The following NUGGC variants were observed in gnomAD, a reference collection of about 807,000 sequenced individuals.
The protein encoded by NUGGC is nuclear GTPase SLIP-GC.
A neutral mutation model predicts 92.6 loss-of-function variants in NUGGC; 58 were observed. That is an observed-to-expected ratio of 0.63 (90% CI 0.51 to 0.78). The LOEUF (loss-of-function observed/expected upper bound fraction) is 0.78, where lower values mean the gene tolerates loss of function less well. Ranked by LOEUF, NUGGC falls within the 30% of genes least tolerant of loss-of-function variation. NUGGC has a pLI of 0.00. For missense variants in NUGGC, 925 were observed against 964.6 expected, an observed-to-expected ratio of 0.96 and a Z score of 0.54; for synonymous variants, 376 against 366.4, an observed-to-expected ratio of 1.03 and a Z score of -0.30.
In NUGGC at chr8:28,067,753, G is replaced by A. The variant is rs1212546665; in HGVS notation, c.481-9C>T. 5 of 1,595,834 alleles carry A rather than the reference G, an allele frequency of 3.1e-6. No individual in the cohort carries two copies. In the Admixed American group the frequency reaches 6.8e-5, roughly 22 times the overall value. The stretch of plus-strand genomic sequence containing the variant: ...AGCTCCTCCCTCCACTCCTGCCAAG[G>A]CAGAGTAGGGCCAAGCCCCTCTTGA... On this transcript the variant is annotated splice_polypyrimidine_tract_variant and intron_variant, in intron 5 of 18. Coordinates refer to ENST00000413272, the MANE Select transcript of NUGGC (RefSeq NM_001010906.2).
In NUGGC at chr8:28,022,165, T is replaced by C. The variant is rs1341774700; in HGVS notation, c.*1152A>G. ...TATATTTTTTTCTTTTTCTTTTTTT[T>C]TTTTTTTTTTTGAGACATAGTCTCA... On this transcript the variant is annotated 3_prime_UTR_variant, in exon 19 of 19. Transcript: ENST00000413272. 2 of 126,376 alleles carry C rather than the reference T, an allele frequency of 1.6e-5. No homozygotes were observed. The highest frequency in any genetic ancestry group is 3.5e-5 in the Non-Finnish European group (2 of 57,750). The allele number at this position is 126,376 out of a possible 1,614,324, so 7.8% of individuals were successfully genotyped here. A position where few individuals can be genotyped will look rare whatever the true frequency, so the allele number is the denominator to read the frequency against.
chr8:28,070,585 C>CA (rs375779446), intron 2 of NUGGC, among the ~76,000 whole-genome samples: 3 of 149,290 alleles, frequency 2.0e-5, no homozygotes, highest in East Asian at 2.0e-4. Flanking sequence ...ACCCTTGTCT[C>CA]AAAAAAAAAT....
At chr8:28,051,147 C>T (rs1158935106) in intron 10 of NUGGC, among the ~76,000 whole-genome samples, 1 of 152,106 alleles carries the variant, frequency 6.6e-6, no homozygotes, top group Non-Finnish European at 1.5e-5. Context: ...TAATGTTATT[C>T]TCGCTAAAAG....
chr8:28,045,957 C>T (rs1477906305), intron 11 of NUGGC, among the ~76,000 whole-genome samples: 1 of 152,220 alleles, frequency 6.6e-6, no homozygotes, highest in Non-Finnish European at 1.5e-5. Flanking sequence ...CTTTGAACAG[C>T]TATCACCTGC....
rs369086540 is a variant in NUGGC at position 28,050,681 on chromosome 8, C to T, written c.1207-3069G>A. 4.0e-4 allele frequency among the ~76,000 whole-genome samples: 60 copies of T among 151,232 alleles called. No individual in the cohort carries two copies. In the East Asian group the frequency reaches 0.011, roughly 28 times the overall value. On this transcript the variant is annotated intron_variant, in intron 10 of 18. Transcript: ENST00000413272. Reference sequence around the variant, plus strand: ...CAAAAATTAGCCAGTTGTGGTGGCGCATGCCTGTAATCCCAGCTACCTGGG... The same window carrying T: ...CAAAAATTAGCCAGTTGTGGTGGCGTATGCCTGTAATCCCAGCTACCTGGG...
intron 10 of NUGGC, among the ~76,000 whole-genome samples, chr8:28,049,872 G>A (rs963080344): frequency 1.3e-5 from 2 of 152,128 alleles, no homozygotes; most frequent in African/African-American, 2.4e-5. Context: ...GATTGCCTAA[G>A]CTCAGGAATT....
rs998343341 is a variant in NUGGC, at chr8:28,076,448, C to T, written c.-46-1992G>A. 2.0e-5 allele frequency among the ~76,000 whole-genome samples: 3 copies of T among 152,258 alleles called. No individual in the cohort carries two copies. The East Asian group carries it at 5.8e-4, about 29-fold the overall frequency. On this transcript the variant is annotated intron_variant, in intron 1 of 18. Coordinates refer to ENST00000413272, the MANE Select transcript of NUGGC (RefSeq NM_001010906.2). Reference sequence around the variant, plus strand: ...AGAGTAGCTGGGATTACAGGCATTGCACCATCATGCCTGGCTAATTACAAT... The same window carrying T: ...AGAGTAGCTGGGATTACAGGCATTGTACCATCATGCCTGGCTAATTACAAT...
chr8:28,029,329 C>G lies in NUGGC; in HGVS notation c.2091G>C (p.Gln697His). 1 of 1,611,274 alleles carries G rather than the reference C, an allele frequency of 6.2e-7. No individual in the cohort carries two copies. The highest frequency in any genetic ancestry group is 8.5e-7 in the Non-Finnish European group (1 of 1,178,728). Reference sequence around the variant, plus strand: ...CCCTTTCAAACATGCCCTCAGCCACCTGCCGGTCCACTCCTCTTCTGATGG... The same window carrying G: ...CCCTTTCAAACATGCCCTCAGCCACGTGCCGGTCCACTCCTCTTCTGATGG... ...KDAIRRGVDR[Q>H]VAEGMFERAQ... The change falls in exon 17 of 19, where the codon CAG (glutamine) becomes CAC (histidine). Residue 697 changes from glutamine to histidine, a missense_variant. Gln to His is a conservative substitution (Grantham distance 24). Coordinates refer to ENST00000413272, the MANE Select transcript of NUGGC (RefSeq NM_001010906.2).
At chr8:28,080,478 C>T (rs1563235384) in intron 1 of NUGGC, among the ~76,000 whole-genome samples, 1 of 152,188 alleles carries the variant, frequency 6.6e-6, no homozygotes, top group Non-Finnish European at 1.5e-5. Flanking sequence ...TATTTACTTA[C>T]TTAAATTTAA....
intron 1 of NUGGC, among the ~76,000 whole-genome samples, chr8:28,081,401 A>T (rs1207821144): frequency 6.6e-6 from 1 of 152,224 alleles, no homozygotes; most frequent in Admixed American, 6.5e-5. Context: ...GCACTTATGC[A>T]TCTGTACAAA....
chr8:28,026,288 G>A (rs2130059466), intron 18 of NUGGC, among the ~76,000 whole-genome samples: 1 of 152,288 alleles, frequency 6.6e-6, no homozygotes, highest in South Asian at 2.1e-4. Flanking sequence ...TAGGGTTGCT[G>A]CGCCAAATGA....
intron 1 of NUGGC, among the ~76,000 whole-genome samples, chr8:28,081,460 C>T (rs186803865): frequency 6.6e-6 from 1 of 152,166 alleles, no homozygotes; most frequent in Non-Finnish European, 1.5e-5. Context: ...GAAATCAGTA[C>T]TAGTGTCATC....
intron 6 of NUGGC, among the ~76,000 whole-genome samples, chr8:28,065,210 G>C (rs967895488): frequency 7.2e-6 from 1 of 139,270 alleles, no homozygotes; most frequent in Non-Finnish European, 1.5e-5. Context: ...GCCCAGACTG[G>C]AGTGCAGTGG....
At chr8:28,046,225 C>T (rs1809830125) in intron 11 of NUGGC, among the ~76,000 whole-genome samples, 1 of 152,112 alleles carries the variant, frequency 6.6e-6, no homozygotes, top group African/African-American at 2.4e-5. Flanking sequence ...CTATATTATT[C>T]CTTCCATATA....
intron 13 of NUGGC, among the ~76,000 whole-genome samples, chr8:28,034,012 A>T (rs1163603579): frequency 6.6e-6 from 1 of 152,222 alleles, no homozygotes; most frequent in Non-Finnish European, 1.5e-5. Flanking sequence ...AATCAGGCAC[A>T]GTGTCTCATC....
At chr8:28,045,950 T>C (rs933339050) in intron 11 of NUGGC, among the ~76,000 whole-genome samples, 7 of 152,222 alleles carry the variant, frequency 4.6e-5, no homozygotes, top group African/African-American at 1.7e-4. Flanking sequence ...CTCTTTCCTT[T>C]GAACAGCTAT....
At position 28,067,545 on chromosome 8, in the gene NUGGC, G is replaced by C. The variant is rs1396971213; in HGVS notation, c.680C>G (p.Thr227Ser). The C allele has an allele frequency of 1.2e-6, 2 of 1,611,722 alleles. No homozygotes were observed. Among genetic ancestry groups the C allele is most frequent in the Non-Finnish European group, 1.7e-6 (2 of 1,178,910 alleles). ...CGCCTTGAGGGTGATGACTCTGGAG[G>C]TGGGGATCTTCCTTTTGGGCTTCGC... is the stretch of plus-strand genomic sequence containing the variant. ...LRAKPKRKIP[T>S]SRVITLKAEE... Residue 227 changes from threonine to serine, a missense_variant, in exon 6 of 19, where the codon ACC becomes AGC. Transcript: ENST00000413272.
At chr8:28,031,460 T>C (rs1585554997) in intron 14 of NUGGC, 79 bp from the exon 15 acceptor site, 5 of 1,341,974 alleles carry the variant, frequency 3.7e-6, no homozygotes, top group East Asian at 4.6e-5. Flanking sequence ...CTAGCTGGTG[T>C]CCTTTTATTC....
rs529660308 is a variant in NUGGC at position 28,029,205 on chromosome 8, G to A, written c.2154+61C>T. 496 of 1,544,118 alleles carry A rather than the reference G, an allele frequency of 3.2e-4. 5 individuals carry two copies. The East Asian group carries it at 9.6e-3, about 30-fold the overall frequency. On this transcript the variant is annotated intron_variant, in intron 17 of 18. Transcript: ENST00000413272. ...ACTATGCCTTCCACCTTCTGCACTC[G>A]CTTCCTCTCCTCCCCCGGAGCCTCT... is the stretch of plus-strand genomic sequence containing the variant.
Sources: gnomAD v4.1 joint callset for allele counts (sites outside exome capture counted in the v4.1 genomes callset) on GRCh38, gnomAD v4.1.1 for gene constraint, MANE v1.5 for transcripts, NCBI Gene and HGNC (gene_info 2026-07-23, HGNC 2026-07-21) for gene names.